Variants in LRRK2 observed in about 807,000 individuals in gnomAD.
LRRK2 encodes leucine rich repeat kinase 2.
Under a neutral mutation model 302.6 loss-of-function variants are expected in LRRK2, and 203 were observed. The ratio of observed to expected loss-of-function variants is 0.67; its 90% CI spans 0.60 to 0.75. The LOEUF (loss-of-function observed/expected upper bound fraction) is 0.75. Among genes scored for constraint, LRRK2 ranks in the 30% least tolerant of loss-of-function variants. The pLI is 0.00. For synonymous variants in LRRK2, 1,066 were observed against 1,031.9 expected (o/e 1.03, Z -0.63); for missense variants, 2,830 against 2,951.0 (o/e 0.96, Z 0.95).
chr12:40,244,739 G>A (rs575080126), intron 7 of LRRK2, among the ~76,000 whole-genome samples: 37 of 122,110 alleles, frequency 3.0e-4, no homozygotes, highest in Non-Finnish European at 3.9e-4. Flanking sequence ...GTTGTGGGGT[G>A]GGGGGAGGGG....
intron 18 of LRRK2, among the ~76,000 whole-genome samples, chr12:40,281,239 A>G (rs1333893031): frequency 2.0e-5 from 3 of 152,174 alleles, no homozygotes. Context: ...GTAGGTTCTA[A>G]TGTTATTCCC....
chr12:40,238,207 A>G, intron 5 of LRRK2, 104 bp downstream of exon 5: 1 of 1,189,760 alleles, frequency 8.4e-7, no homozygotes, highest in Non-Finnish European at 1.2e-6. Flanking sequence ...CTAAAATCCT[A>G]CTATTTATTA....
At chr12:40,289,739 T>G (rs1944070558) in intron 20 of LRRK2, among the ~76,000 whole-genome samples, 1 of 151,754 alleles carries the variant, frequency 6.6e-6, no homozygotes, top group Non-Finnish European at 1.5e-5. Context: ...AGTAGTTCAC[T>G]GTTGATATAT....
intron 11 of LRRK2, among the ~76,000 whole-genome samples, chr12:40,255,531 G>A (rs1388523295): frequency 1.3e-5 from 2 of 152,132 alleles, no homozygotes; most frequent in African/African-American, 2.4e-5. Context: ...CCACACATTG[G>A]GTTACTGTCT....
chr12:40,366,365 G>C (rs1283836383), intron 49 of LRRK2: 2 of 151,814 alleles, frequency 1.3e-5, no homozygotes. Flanking sequence ...TTCCCGCTTT[G>C]GGTTCCCATA....
intron 45 of LRRK2, among the ~76,000 whole-genome samples, chr12:40,355,181 T>C (rs1319879414): frequency 2.0e-5 from 3 of 151,322 alleles, no homozygotes; most frequent in African/African-American, 7.4e-5. Context: ...ACCTGAAATA[T>C]CAACTCCACT....
At chr12:40,346,613 C>G in intron 41 of LRRK2, 140 bp from the exon 42 acceptor site, 1 of 769,854 alleles carries the variant, frequency 1.3e-6, no homozygotes, top group Non-Finnish European at 2.1e-6. Flanking sequence ...ATCAAGGTAC[C>G]TTGTTATAAA....
chr12:40,342,412 A>G (rs1220790042), intron 41 of LRRK2, among the ~76,000 whole-genome samples: 1 of 152,100 alleles, frequency 6.6e-6, no homozygotes, highest in Admixed American at 6.5e-5. Context: ...AGATCATGTC[A>G]GAAACCCAGG....
intron 36 of LRRK2, 32 bp downstream of exon 36, chr12:40,322,213 C>A (rs7137665): frequency 6.3e-7 from 1 of 1,590,622 alleles, no homozygotes; most frequent in South Asian, 1.1e-5. Flanking sequence ...TTTTCAATTG[C>A]AACACTAAAG....
chr12:40,231,150 T>C (rs1941160624), intron 2 of LRRK2, among the ~76,000 whole-genome samples: 1 of 152,180 alleles, frequency 6.6e-6, no homozygotes, highest in South Asian at 2.1e-4. Context: ...TACATTTTGC[T>C]ACTAAAATCT....
At chr12:40,257,484 A>G in intron 12 of LRRK2, 107 bp downstream of exon 12, 1 of 1,331,892 alleles carries the variant, frequency 7.5e-7, no homozygotes, top group Non-Finnish European at 1.1e-6. Flanking sequence ...AAAACATAAG[A>G]CACTTGAAAA....
Position 40,287,427 on chromosome 12 carries a change from C to G in LRRK2, c.2577C>G (p.Gly859=). The G allele has an allele frequency of 1.9e-6, 3 of 1,612,680 alleles. No homozygotes were observed. The highest frequency in any genetic ancestry group is 2.5e-6 in the Non-Finnish European group (3 of 1,179,096). The stretch of plus-strand genomic sequence containing the variant: ...CTGTGGAAGAAGGAACAGCCTCAGG[C>G]AGCGATGGAAATTTTTCTGAAGATG... ...KSAVEEGTAS[G]SDGNFSEDVL... is the part of the protein sequence containing the mutation. Residue 859 remains glycine, a synonymous_variant, in exon 20 of 51, where the codon GGC becomes GGG. Transcript: ENST00000298910.
intron 33 of LRRK2, among the ~76,000 whole-genome samples, chr12:40,318,761 C>T (rs531068350): frequency 4.6e-5 from 7 of 152,112 alleles, no homozygotes; most frequent in Admixed American, 2.6e-4. Context: ...AAGGTCTTAG[C>T]ACTTAAAAAA....
chr12:40,361,309 A>G (rs1262768608), intron 47 of LRRK2, among the ~76,000 whole-genome samples: 1 of 152,148 alleles, frequency 6.6e-6, no homozygotes, highest in African/African-American at 2.4e-5. Context: ...TAATACCCAC[A>G]TTTTAAAAAA....
chr12:40,250,388 G>C (rs959805602), intron 8 of LRRK2, among the ~76,000 whole-genome samples: 6 of 152,110 alleles, frequency 3.9e-5, no homozygotes, highest in Non-Finnish European at 8.8e-5. Context: ...TGCTCGGGAG[G>C]CCGAGGCAGG....
intron 16 of LRRK2, 118 bp downstream of exon 16, chr12:40,275,111 C>A (rs1592203967): frequency 1.6e-5 from 18 of 1,117,684 alleles, no homozygotes; most frequent in Middle Eastern, 2.3e-4. Context: ...AACCATTTAT[C>A]CTTTTGTAGT....
chr12:40,251,201 TG>T (rs1436386220), intron 8 of LRRK2, 30 bp from the exon 9 acceptor site: 5 of 1,337,298 alleles, frequency 3.7e-6, no homozygotes, highest in Non-Finnish European at 3.1e-6. Context: ...ATATATATAA[TG>T]TTTTTATATA....
At chr12:40,254,257 T>C (rs1443831492) in intron 11 of LRRK2, among the ~76,000 whole-genome samples, 1 of 152,036 alleles carries the variant, frequency 6.6e-6, no homozygotes, top group African/African-American at 2.4e-5. Context: ...AGAAACTGGG[T>C]AGGGTGGAAA....
intron 39 of LRRK2, among the ~76,000 whole-genome samples, chr12:40,333,170 T>A (rs1945764750): frequency 2.6e-5 from 4 of 152,090 alleles, no homozygotes; most frequent in Non-Finnish European, 5.9e-5. Context: ...CTTAACTCCT[T>A]CTCATCAGTT....
Sources: allele counts gnomAD v4.1 joint callset (sites outside exome capture counted in the v4.1 genomes callset), GRCh38; gene constraint gnomAD v4.1.1; transcripts MANE v1.5; gene names NCBI Gene and HGNC (gene_info 2026-07-23, HGNC 2026-07-21).